HNRNPF: variants seen among roughly 807,000 people sequenced by gnomAD.
HNRNPF encodes the protein HnRNP F protein.
A neutral mutation model predicts 26.0 loss-of-function variants in HNRNPF; 2 were observed. That is an observed-to-expected ratio of 0.08 (90% CI 0.03 to 0.24). The LOEUF is 0.24. Among genes scored for constraint, HNRNPF ranks in the 10% least tolerant of loss-of-function variants. The pLI is 1.00. For missense variants in HNRNPF, 299 were observed against 539.2 expected, an observed-to-expected ratio of 0.55 and a Z score of 4.41; for synonymous variants, 234 against 211.5, an observed-to-expected ratio of 1.11 and a Z score of -0.92.
At chr10:43,395,662 A>C (rs1838460400) in intron 2 of HNRNPF, among the ~76,000 whole-genome samples, 1 of 152,148 alleles carries the variant, frequency 6.6e-6, no homozygotes, top group Non-Finnish European at 1.5e-5. Context: ...AGTACTCTGG[A>C]ATCAGGTTTT....
At chr10:43,403,279 G>A (rs1838809149) in intron 1 of HNRNPF, among the ~76,000 whole-genome samples, 1 of 152,224 alleles carries the variant, frequency 6.6e-6, no homozygotes, top group East Asian at 1.9e-4. Context: ...TGGCCCTGCT[G>A]GGATTAAAGG....
At chr10:43,406,861 G>A (rs1838935155) in intron 1 of HNRNPF, among the ~76,000 whole-genome samples, 1 of 152,072 alleles carries the variant, frequency 6.6e-6, no homozygotes, top group Non-Finnish European at 1.5e-5. Context: ...ACCTACAAGG[G>A]AAAAGATCTT....
chr10:43,408,328 G>A (rs527404741), intron 1 of HNRNPF, among the ~76,000 whole-genome samples: 23 of 152,088 alleles, frequency 1.5e-4, no homozygotes, highest in Non-Finnish European at 2.8e-4. Context: ...CACCGCGTGG[G>A]ACCACTGTCT....
chr10:43,408,122 T>C (rs1397152865), intron 1 of HNRNPF, among the ~76,000 whole-genome samples: 4 of 152,052 alleles, frequency 2.6e-5, no homozygotes, highest in Non-Finnish European at 5.9e-5. Context: ...AGAGACAGTC[T>C]ATGTTGCCCA....
chr10:43,391,424 C>A (rs777820291), intron 3 of HNRNPF, among the ~76,000 whole-genome samples: 18 of 151,894 alleles, frequency 1.2e-4, no homozygotes, highest in Non-Finnish European at 1.8e-4. Flanking sequence ...CACCATTGTA[C>A]TCCAGCCCGG....
chr10:43,389,916 AC>A (rs1208868767), intron 3 of HNRNPF, among the ~76,000 whole-genome samples: 4 of 152,184 alleles, frequency 2.6e-5, no homozygotes, highest in Admixed American at 1.3e-4. Context: ...AACTCCATCA[AC>A]TTTTATAAAA....
In HNRNPF at chr10:43,387,178, T is replaced by A; in HGVS notation, c.707A>T (p.Tyr236Phe). Residue 236 changes from tyrosine to phenylalanine, a missense_variant, in exon 4 of 4, where the codon TAC (tyrosine) becomes TTC (phenylalanine). Coordinates refer to ENST00000682386, the MANE Select transcript of HNRNPF (RefSeq NM_001098204.2). This position sits in a 1 kb window ranked among gnomAD's most constrained non-coding sequence, Gnocchi z 6.0. ...CTCGTAGCCCCCGTAGCCTGTGCTG[T>A]AGGCACCAGGCCTCATCCTTTCCAG... ...AGLERMRPGA[Y>F]STGYGGYEEY... The A allele has an allele frequency of 6.2e-7, 1 of 1,614,194 alleles. No homozygotes were observed. Among genetic ancestry groups the A allele is most frequent in the Non-Finnish European group, 8.5e-7 (1 of 1,180,040 alleles).
At chr10:43,403,556 T>G (rs1838818817) in intron 1 of HNRNPF, among the ~76,000 whole-genome samples, 1 of 152,206 alleles carries the variant, frequency 6.6e-6, no homozygotes, top group Admixed American at 6.6e-5. Context: ...AAAGCGATAT[T>G]ATGACCAAGT....
At chr10:43,391,621 G>C (rs1202537484) in intron 3 of HNRNPF, among the ~76,000 whole-genome samples, 1 of 152,126 alleles carries the variant, frequency 6.6e-6, no homozygotes. Context: ...CTCTCCAGCT[G>C]GTTGACATTA....
At chr10:43,390,403 G>A (rs758863403) in intron 3 of HNRNPF, among the ~76,000 whole-genome samples, 2 of 152,094 alleles carry the variant, frequency 1.3e-5, no homozygotes, top group Admixed American at 6.5e-5. Flanking sequence ...TCCAGCCATC[G>A]TTCCGGGTAG....
chr10:43,408,363 C>G (rs1838997864), intron 1 of HNRNPF, among the ~76,000 whole-genome samples: 1 of 152,178 alleles, frequency 6.6e-6, no homozygotes, highest in African/African-American at 2.4e-5. Flanking sequence ...CGACCTCCGA[C>G]GCTGCGTCTC....
intron 3 of HNRNPF, among the ~76,000 whole-genome samples, chr10:43,388,352 T>C (rs1838112412): frequency 6.6e-6 from 1 of 152,240 alleles, no homozygotes; most frequent in Non-Finnish European, 1.5e-5. Flanking sequence ...AGGATACTTT[T>C]ACTTTCATGA....
At chr10:43,402,691 A>G (rs1396973552) in intron 1 of HNRNPF, among the ~76,000 whole-genome samples, 5 of 152,220 alleles carry the variant, frequency 3.3e-5, no homozygotes, top group Admixed American at 6.5e-5. Context: ...ATTAGAAAAG[A>G]TATGTATTTG....
chr10:43,398,324 G>A (rs989758036), intron 1 of HNRNPF, among the ~76,000 whole-genome samples: 2 of 148,022 alleles, frequency 1.4e-5, no homozygotes, highest in Admixed American at 6.8e-5. Flanking sequence ...TGCCCGGCCT[G>A]TTTGGAGTTT....
At chr10:43,393,296 T>C (rs1838327306) in intron 3 of HNRNPF, among the ~76,000 whole-genome samples, 1 of 152,176 alleles carries the variant, frequency 6.6e-6, no homozygotes, top group Admixed American at 6.5e-5. Flanking sequence ...ATATATCTTT[T>C]AAATAAGTCC....
intron 3 of HNRNPF, among the ~76,000 whole-genome samples, chr10:43,391,207 C>T (rs951309685): frequency 1.3e-5 from 2 of 151,718 alleles, no homozygotes; most frequent in African/African-American, 2.4e-5. Context: ...GCAGGAGCAT[C>T]GCTTGAACCT....
chr10:43,396,085 G>C (rs72785266), intron 2 of HNRNPF, among the ~76,000 whole-genome samples: 16,842 of 152,240 alleles, frequency 0.11, 974 homozygotes, highest in Non-Finnish European at 0.12. Context: ...CTAAGAATCT[G>C]CATTTCCAAA....
intron 2 of HNRNPF, among the ~76,000 whole-genome samples, chr10:43,396,008 G>A (rs1410415757): frequency 6.6e-6 from 1 of 151,962 alleles, no homozygotes; most frequent in East Asian, 1.9e-4. Flanking sequence ...GAGGTTTTCA[G>A]ATCGAGCTTG....
chr10:43,402,690 GAT>G (rs1277823751), intron 1 of HNRNPF, among the ~76,000 whole-genome samples: 2 of 152,180 alleles, frequency 1.3e-5, no homozygotes, highest in Non-Finnish European at 2.9e-5. Flanking sequence ...AATTAGAAAA[GAT>G]ATGTATTTGT....
Sources: gnomAD v4.1 joint callset for allele counts (sites outside exome capture counted in the v4.1 genomes callset) on GRCh38, gnomAD v4.1.1 for gene constraint, Gnocchi (gnomAD v3.1) non-coding constraint, MANE v1.5 for transcripts, NCBI Gene and HGNC (gene_info 2026-07-23, HGNC 2026-07-21) for gene names.